The following CNTN4 variants were observed in gnomAD, a reference collection of about 807,000 sequenced individuals.
CNTN4 encodes the protein contactin-4.
Under a neutral mutation model 122.5 loss-of-function variants are expected in CNTN4, and 77 were observed. That is an observed-to-expected ratio of 0.63 (90% CI 0.52 to 0.76). The LOEUF (loss-of-function observed/expected upper bound fraction) is 0.76, where lower values mean the gene tolerates loss of function less well. Ranked by LOEUF, CNTN4 falls within the 30% of genes least tolerant of loss-of-function variation. CNTN4 has a pLI of 0.00. For missense variants in CNTN4, 1,256 were observed against 1,259.1 expected (o/e 1.00, Z 0.04); for synonymous variants, 512 against 447.0 (o/e 1.15, Z -1.83).
intron 3 of CNTN4, among the ~76,000 whole-genome samples, chr3:2,477,417 G>A (rs1000787116): frequency 2.3e-4 from 35 of 152,026 alleles, no homozygotes; most frequent in African/African-American, 7.7e-4. Context: ...AAGCTCTGTG[G>A]TAAATGCTTT....
chr3:2,436,000 G>C lies in CNTN4; in HGVS notation c.-89+96767G>C, dbSNP rs57625084. ...CAAAAAACTGTTTATATCTCTATTA[G>C]AGGCAAAAGCTAGACCCTTAGTAAA... On this transcript the variant is annotated intron_variant, in intron 3 of 24. Transcript: ENST00000418658. Among the ~76,000 whole-genome samples, 1,013 of 152,278 alleles carry C rather than the reference G, an allele frequency of 6.7e-3. 6 individuals carry two copies. The highest frequency in any genetic ancestry group is 0.022 in the African/African-American group (923 of 41,564).
chr3:2,882,552 A>G (rs1336714934), intron 8 of CNTN4, among the ~76,000 whole-genome samples: 2 of 152,194 alleles, frequency 1.3e-5, no homozygotes, highest in African/African-American at 2.4e-5. Context: ...TGTAACTTAA[A>G]TGTTTTCTGT....
intron 2 of CNTN4, among the ~76,000 whole-genome samples, chr3:2,173,219 C>T (rs2036593869): frequency 6.6e-6 from 1 of 152,164 alleles, no homozygotes; most frequent in East Asian, 1.9e-4. Context: ...ACACAGTGAT[C>T]AACTGAGCAA....
intron 4 of CNTN4, among the ~76,000 whole-genome samples, chr3:2,674,680 C>A (rs1204569134): frequency 6.6e-6 from 1 of 152,098 alleles, no homozygotes; most frequent in Non-Finnish European, 1.5e-5. Flanking sequence ...GTCACCTGAA[C>A]CCGGGAGGCG....
At chr3:2,175,771 A>C (rs2036722661) in intron 2 of CNTN4, among the ~76,000 whole-genome samples, 1 of 152,176 alleles carries the variant, frequency 6.6e-6, no homozygotes, top group Non-Finnish European at 1.5e-5. Flanking sequence ...AAATGTCACA[A>C]CACCCTAACC....
chr3:2,509,727 A>G (rs556421001), intron 3 of CNTN4, among the ~76,000 whole-genome samples: 52 of 152,302 alleles, frequency 3.4e-4, no homozygotes, highest in African/African-American at 1.1e-3. Context: ...ACGCTAACAC[A>G]GTTTGGGTGG....
intron 9 of CNTN4, among the ~76,000 whole-genome samples, chr3:2,884,001 C>T (rs2093941010): frequency 6.6e-6 from 1 of 152,156 alleles, no homozygotes; most frequent in Non-Finnish European, 1.5e-5. Context: ...TTTTAATGAT[C>T]CGTGTCAATC....
At chr3:2,163,626 G>A (rs1295821778) in intron 2 of CNTN4, among the ~76,000 whole-genome samples, 2 of 151,430 alleles carry the variant, frequency 1.3e-5, no homozygotes, top group African/African-American at 4.9e-5. Context: ...AAAATATCGA[G>A]AATCTGCAAG....
intron 2 of CNTN4, among the ~76,000 whole-genome samples, chr3:2,146,249 C>CTTT (rs2035243691): frequency 6.6e-6 from 1 of 150,784 alleles, no homozygotes; most frequent in Non-Finnish European, 1.5e-5. Flanking sequence ...TCATCATATG[C>CTTT]TAAACCTAGA....
intron 2 of CNTN4, among the ~76,000 whole-genome samples, chr3:2,235,941 C>G (rs2039666113): frequency 6.6e-6 from 1 of 151,996 alleles, no homozygotes; most frequent in Non-Finnish European, 1.5e-5. Flanking sequence ...TTTCAGTAAA[C>G]TAGTCAAAAA....
chr3:3,009,027 A>G (rs1177620627), intron 14 of CNTN4: 140 of 985,302 alleles, frequency 1.4e-4, no homozygotes, highest in Non-Finnish European at 1.6e-4. Flanking sequence ...GCTAGAGGAC[A>G]AGCCTGGTGT....
At chr3:2,108,913 C>A (rs1007202068) in intron 2 of CNTN4, among the ~76,000 whole-genome samples, 1 of 152,142 alleles carries the variant, frequency 6.6e-6, no homozygotes, top group African/African-American at 2.4e-5. Flanking sequence ...TTAAGTATCT[C>A]TTGCCTAAAA....
intron 4 of CNTN4, among the ~76,000 whole-genome samples, chr3:2,667,111 T>A (rs917412606): frequency 6.6e-6 from 1 of 152,142 alleles, no homozygotes; most frequent in Non-Finnish European, 1.5e-5. Flanking sequence ...TACCTAGTAA[T>A]GGGATGGCTG....
intron 13 of CNTN4, among the ~76,000 whole-genome samples, chr3:2,987,189 C>T (rs1694657588): frequency 6.6e-6 from 1 of 152,106 alleles, no homozygotes; most frequent in African/African-American, 2.4e-5. Flanking sequence ...TGCAGAAGGC[C>T]AGTGTGACTA....
At position 2,340,710 on chromosome 3, in the gene CNTN4, T is replaced by TAGAGAGAG. The variant is rs747326741; in HGVS notation, c.-89+1500_-89+1507dup. ...TTATATATATATATATATATATATA[T>TAGAGAGAG]AGAGAGAGAGAGAGAGAGAGAGAGA... On this transcript the variant is annotated intron_variant, in intron 3 of 24. Transcript: ENST00000418658. 4.5e-3 allele frequency among the ~76,000 whole-genome samples: 82 copies of TAGAGAGAG among 18,286 alleles called. 2 individuals are homozygous for TAGAGAGAG. Among genetic ancestry groups the TAGAGAGAG allele is most frequent in the African/African-American group, 6.3e-3 (63 of 9,974 alleles). 12.0% of individuals were successfully genotyped at this position (18,286 alleles called of 152,430 possible).
intron 2 of CNTN4, among the ~76,000 whole-genome samples, chr3:2,297,658 A>C (rs2042363518): frequency 6.6e-6 from 1 of 152,018 alleles, no homozygotes; most frequent in South Asian, 2.1e-4. Context: ...GCTTCATGCG[A>C]CCAGAGGTTT....
Position 2,798,363 on chromosome 3 carries a change from A to ATC in CNTN4, c.359-21122_359-21121insCT, listed in dbSNP as rs879876371. Among the ~76,000 whole-genome samples, 279 of 142,052 alleles carry ATC rather than the reference A, an allele frequency of 2.0e-3. 2 individuals are homozygous for ATC. Among genetic ancestry groups the ATC allele is most frequent in the Admixed American group, 3.8e-3 (51 of 13,416 alleles). The allele number at this position is 142,052 out of a possible 152,430, so 93.2% of individuals were successfully genotyped here. On this transcript the variant is annotated intron_variant, in intron 6 of 24. Transcript: ENST00000418658. ...ATATACATACTATATCTATACACAC[A>ATC]TAAATCTATCTATCTATCTATCTAT...
At chr3:2,355,844 A>G (rs1408861357) in intron 3 of CNTN4, among the ~76,000 whole-genome samples, 2 of 152,176 alleles carry the variant, frequency 1.3e-5, no homozygotes, top group Non-Finnish European at 2.9e-5. Context: ...AGAGAACCCA[A>G]AGATTTTTAA....
At chr3:2,795,290 C>T (rs1237093223) in intron 6 of CNTN4, among the ~76,000 whole-genome samples, 1 of 152,166 alleles carries the variant, frequency 6.6e-6, no homozygotes, top group Admixed American at 6.5e-5. Context: ...TCCTGAAAGG[C>T]TCTGACCTTT....
Sources: allele counts gnomAD v4.1 joint callset (sites outside exome capture counted in the v4.1 genomes callset), GRCh38; gene constraint gnomAD v4.1.1; transcripts MANE v1.5; gene names NCBI Gene and HGNC (gene_info 2026-07-23, HGNC 2026-07-21).